TMIGD3: variants seen among roughly 807,000 people sequenced by gnomAD.
The protein encoded by TMIGD3 is transmembrane and immunoglobulin domain containing 3, also known as AD026 protein (AD026).
Under a neutral mutation model 28.1 loss-of-function variants are expected in TMIGD3, and 21 were observed. The ratio of observed to expected loss-of-function variants is 0.75; its 90% CI spans 0.53 to 1.08. The LOEUF (loss-of-function observed/expected upper bound fraction) is 1.08. Among genes scored for constraint, TMIGD3 ranks in the 50% least tolerant of loss-of-function variants. The probability of loss-of-function intolerance (pLI) is 0.00; values close to 1 mark genes in which losing one functional copy is unlikely to be tolerated. For synonymous variants in TMIGD3, 151 were observed against 162.1 expected (o/e 0.93, Z 0.52); for missense variants, 416 against 435.6 (o/e 0.96, Z 0.40).
chr1:111,486,528 A>C, intron 4 of TMIGD3, 58 bp downstream of exon 4: 2 of 1,241,400 alleles, frequency 1.6e-6, no homozygotes, highest in Non-Finnish European at 2.4e-6. Context: ...CTGCCACCCC[A>C]GCCCCTACCT....
At chr1:111,556,917 A>G (rs2789529) in intron 1 of TMIGD3, among the ~76,000 whole-genome samples, 2,570 of 148,770 alleles carry the variant, frequency 0.017, 70 homozygotes, top group African/African-American at 0.059. Flanking sequence ...ATATGTATGT[A>G]CATATATATT....
At chr1:111,517,676 T>C (rs1198230795) in intron 1 of TMIGD3, among the ~76,000 whole-genome samples, 1 of 152,234 alleles carries the variant, frequency 6.6e-6, no homozygotes, top group Non-Finnish European at 1.5e-5. Context: ...AAGAGGTTAA[T>C]AAAAGCCACT....
intron 1 of TMIGD3, among the ~76,000 whole-genome samples, chr1:111,515,423 G>C (rs1655826979): frequency 6.6e-6 from 1 of 152,200 alleles, no homozygotes; most frequent in Non-Finnish European, 1.5e-5. Context: ...TGAGGAAGGA[G>C]TCGCCGCTGA....
chr1:111,497,461 AAC>A (rs1654944330), intron 1 of TMIGD3, among the ~76,000 whole-genome samples: 3 of 152,188 alleles, frequency 2.0e-5, no homozygotes, highest in Non-Finnish European at 2.9e-5. Flanking sequence ...TGTCCCTTCT[AAC>A]CAAGCTCCTC....
At chr1:111,488,403 T>G (rs1414543703) in intron 3 of TMIGD3, among the ~76,000 whole-genome samples, 1 of 152,218 alleles carries the variant, frequency 6.6e-6, no homozygotes. Flanking sequence ...CCTGTCAGCC[T>G]CTTCTAAGGT....
In TMIGD3 at chr1:111,532,877, A is replaced by T. The variant is rs149523264; in HGVS notation, c.107+30969T>A. ...GAGCTGATAGCGGACCTGGTAAAAGAGCTTCTGCAATCTATTGGAGTGAGA... is the reference window on the plus strand; with the variant it reads ...GAGCTGATAGCGGACCTGGTAAAAGTGCTTCTGCAATCTATTGGAGTGAGA... On this transcript the variant is annotated intron_variant, in intron 1 of 5. Coordinates refer to the TMIGD3 transcript ENST00000369717. Among the ~76,000 whole-genome samples, 549 of 152,268 alleles carry T rather than the reference A, an allele frequency of 3.6e-3. 4 individuals carry two copies. The highest frequency in any genetic ancestry group is 0.013 in the African/African-American group (525 of 41,550).
intron 1 of TMIGD3, among the ~76,000 whole-genome samples, chr1:111,509,127 T>A (rs1655608655): frequency 6.6e-6 from 1 of 152,148 alleles, no homozygotes; most frequent in African/African-American, 2.4e-5. Flanking sequence ...AGCACCAGGA[T>A]GGGAGCCCAG....
intron 1 of TMIGD3, among the ~76,000 whole-genome samples, chr1:111,563,385 T>C (rs1007318022): frequency 6.6e-6 from 1 of 152,246 alleles, no homozygotes; most frequent in African/African-American, 2.4e-5. Flanking sequence ...TATGAAATAA[T>C]TGGAAAACAG....
rs1229220366 is a variant in TMIGD3 at position 111,488,824 on chromosome 1, C to T, written c.658G>A (p.Val220Ile). The T allele has an allele frequency of 6.2e-7, 1 of 1,614,072 alleles. No individual in the cohort carries two copies. ...ALRDTGNQLI[V>I]TMSCLTKEDT... is the part of the protein sequence containing the mutation. ...TCTTTGGTCAGGCAGGACATAGTGA[C>T]AATGAGCTGGTTCCCTGTGTCCCTC... The change falls in exon 3 of 6, where the codon GTC (valine) becomes ATC (isoleucine). Residue 220 changes from valine to isoleucine, a missense_variant. By Grantham distance (29) the Val-to-Ile change is conservative. Transcript: ENST00000369716.
intron 1 of TMIGD3, among the ~76,000 whole-genome samples, chr1:111,559,456 G>A (rs1657644122): frequency 6.6e-6 from 1 of 152,102 alleles, no homozygotes; most frequent in Non-Finnish European, 1.5e-5. Flanking sequence ...CATAATACTG[G>A]TCATCAAGAG....
intron 1 of TMIGD3, chr1:111,563,700 C>T: frequency 1.6e-6 from 1 of 620,400 alleles, no homozygotes; most frequent in East Asian, 2.7e-5. Context: ...CTGTGGAATA[C>T]AAATTATCTC....
intron 1 of TMIGD3, among the ~76,000 whole-genome samples, chr1:111,561,999 C>A (rs1405924959): frequency 6.6e-6 from 1 of 152,092 alleles, no homozygotes; most frequent in Non-Finnish European, 1.5e-5. Flanking sequence ...CGATAGAATT[C>A]AAACCCTCCA....
intron 1 of TMIGD3, among the ~76,000 whole-genome samples, chr1:111,562,121 T>G (rs1345500188): frequency 6.6e-6 from 1 of 152,176 alleles, no homozygotes; most frequent in Admixed American, 6.5e-5. Context: ...GTGCCATTTC[T>G]TTTCTATGAG....
At chr1:111,496,721 G>T (rs148984002) in intron 1 of TMIGD3, among the ~76,000 whole-genome samples, 34 of 152,290 alleles carry the variant, frequency 2.2e-4, no homozygotes, top group Non-Finnish European at 3.7e-4. Context: ...AAATTTTAAT[G>T]TGCTTAAGTT....
chr1:111,489,464 T>A, intron 2 of TMIGD3: 2 of 741,580 alleles, frequency 2.7e-6, no homozygotes, highest in Non-Finnish European at 3.4e-6. Context: ...ATCTTGAACT[T>A]ACCACCTTCA....
At chr1:111,496,676 T>C (rs904595548) in intron 1 of TMIGD3, among the ~76,000 whole-genome samples, 40 of 152,230 alleles carry the variant, frequency 2.6e-4, no homozygotes, top group African/African-American at 9.4e-4. Context: ...TGCTGCCCAA[T>C]TCATGAATCA....
chr1:111,503,869 G>C, upstream of TMIGD3: 3 of 993,888 alleles, frequency 3.0e-6, no homozygotes. Flanking sequence ...TTGGGTATCA[G>C]AGTTCATTCA....
intron 2 of TMIGD3, chr1:111,490,357 C>T (rs1323894835): frequency 1.7e-5 from 5 of 297,456 alleles, no homozygotes; most frequent in African/African-American, 2.2e-5. Context: ...GTCATCCTTG[C>T]ACAAGGGCCA....
intron 1 of TMIGD3, among the ~76,000 whole-genome samples, chr1:111,509,981 A>T (rs1655637055): frequency 6.6e-6 from 1 of 152,268 alleles, no homozygotes; most frequent in South Asian, 2.1e-4. Flanking sequence ...TGGCTCTTTC[A>T]ATGAGCCACA....
Sources: gnomAD v4.1 joint callset for allele counts (sites outside exome capture counted in the v4.1 genomes callset) on GRCh38, gnomAD v4.1.1 for gene constraint, MANE v1.5 for transcripts, NCBI Gene and HGNC (gene_info 2026-07-23, HGNC 2026-07-21) for gene names.